AK9: variants seen among roughly 807,000 people sequenced by gnomAD.
AK9 encodes adenylate kinase domain containing 1.
A neutral mutation model predicts 239.6 loss-of-function variants in AK9; 191 were observed. The ratio of observed to expected loss-of-function variants is 0.80; its 90% confidence interval spans 0.71 to 0.90. The LOEUF (loss-of-function observed/expected upper bound fraction) is 0.90. Ranked by LOEUF, AK9 falls within the 40% of genes least tolerant of loss-of-function variation. The probability of loss-of-function intolerance (pLI) is 0.00; values close to 1 mark genes in which losing one functional copy is unlikely to be tolerated. For missense variants in AK9, 1,995 were observed against 2,214.7 expected (o/e 0.90, Z 1.99); for synonymous variants, 689 against 721.0 (o/e 0.96, Z 0.71).
At chr6:109,630,933 A>G (rs189869984) in intron 12 of AK9, among the ~76,000 whole-genome samples, 23 of 152,234 alleles carry the variant, frequency 1.5e-4, no homozygotes, top group Non-Finnish European at 1.0e-4. Context: ...CAAAGGGGAC[A>G]AACAGTTGAT....
chr6:109,623,404 T>C (rs1795105989), intron 12 of AK9, among the ~76,000 whole-genome samples: 3 of 152,078 alleles, frequency 2.0e-5, no homozygotes, highest in South Asian at 4.1e-4. Flanking sequence ...TTTCTGAGGG[T>C]AGTCAGCTGC....
At chr6:109,564,547 G>A (rs2128184382) in intron 22 of AK9, among the ~76,000 whole-genome samples, 1 of 150,816 alleles carries the variant, frequency 6.6e-6, no homozygotes, top group Admixed American at 6.7e-5. Context: ...AATAAAAAAT[G>A]TATAAAACAA....
chr6:109,603,335 C>T (rs1394958230), intron 17 of AK9, among the ~76,000 whole-genome samples: 4 of 152,180 alleles, frequency 2.6e-5, no homozygotes, highest in African/African-American at 7.2e-5. Flanking sequence ...GCTGGAGGTC[C>T]ACTCCAGACC....
chr6:109,620,367 T>C (rs546715146), intron 12 of AK9, among the ~76,000 whole-genome samples: 32 of 152,288 alleles, frequency 2.1e-4, no homozygotes, highest in African/African-American at 7.5e-4. Context: ...AGTATCTCAT[T>C]GTAGATTAAA....
chr6:109,619,397 T>C (rs11968297), intron 12 of AK9, among the ~76,000 whole-genome samples, 161 bp from the exon 13 acceptor site: 3,097 of 152,188 alleles, frequency 0.02, 96 homozygotes, highest in African/African-American at 0.072. Flanking sequence ...AATTCACCTA[T>C]TTTTGAGTAC....
chr6:109,627,891 C>T (rs1795723315), intron 12 of AK9, among the ~76,000 whole-genome samples: 1 of 152,206 alleles, frequency 6.6e-6, no homozygotes, highest in Non-Finnish European at 1.5e-5. Context: ...TTCAAGTTAA[C>T]TGCCCTCCTC....
At chr6:109,593,308 T>C (rs1386793087) in intron 17 of AK9, among the ~76,000 whole-genome samples, 1 of 152,094 alleles carries the variant, frequency 6.6e-6, no homozygotes, top group Non-Finnish European at 1.5e-5. Flanking sequence ...CTCTAAAATC[T>C]AAACCAGGAA....
chr6:109,615,331 T>C (rs1242304330), intron 13 of AK9, among the ~76,000 whole-genome samples: 1 of 151,886 alleles, frequency 6.6e-6, no homozygotes, highest in Non-Finnish European at 1.5e-5. Context: ...ATGTGTCTTG[T>C]TCTCATCTGT....
At chr6:109,600,817 G>A (rs527836203) in intron 17 of AK9, among the ~76,000 whole-genome samples, 5 of 152,260 alleles carry the variant, frequency 3.3e-5, no homozygotes, top group African/African-American at 9.6e-5. Flanking sequence ...GAGGGTGTAT[G>A]TGTCCATGAA....
In AK9 at chr6:109,632,856, GATAGAC is replaced by G. The variant is rs199859954; in HGVS notation, c.1254+61_1254+66del. The stretch of plus-strand genomic sequence containing the variant: ...TATAATCGAGTATAGATACATGACA[GATAGAC>G]ATAGATAGATAGATAGATAGATAGA... On this transcript the variant is annotated intron_variant, in intron 12 of 40. Coordinates refer to ENST00000424296, the MANE Select transcript of AK9 (RefSeq NM_001145128.3). The G allele has an allele frequency of 3.3e-3, 4,089 of 1,243,546 alleles. 103 individuals are homozygous for G. In the African/African-American group the frequency reaches 0.062, roughly 19 times the overall value. The allele number at this position is 1,243,546 out of a possible 1,614,324, so 77.0% of individuals were successfully genotyped here.
At chr6:109,685,421 C>T (rs1773361303) in intron 1 of AK9, among the ~76,000 whole-genome samples, 1 of 152,172 alleles carries the variant, frequency 6.6e-6, no homozygotes, top group South Asian at 2.1e-4. Flanking sequence ...GAATTCACAT[C>T]CTTTGCAGGG....
intron 21 of AK9, among the ~76,000 whole-genome samples, chr6:109,569,901 A>C (rs990667682): frequency 5.3e-5 from 8 of 152,132 alleles, no homozygotes; most frequent in Non-Finnish European, 1.2e-4. Context: ...AACTAGAAAT[A>C]CCATTTGACC....
At chr6:109,568,326 T>A (rs1786886465) in intron 21 of AK9, among the ~76,000 whole-genome samples, 1 of 152,152 alleles carries the variant, frequency 6.6e-6, no homozygotes, top group Non-Finnish European at 1.5e-5. Context: ...AATATCATAC[T>A]GAATGGGCAA....
Position 109,614,437 on chromosome 6 carries a change from C to A in AK9, c.1443G>T (p.Met481Ile). Residue 481 changes from methionine to isoleucine, a missense_variant, in exon 14 of 41, where the codon ATG (methionine) becomes ATT (isoleucine). By Grantham distance (10) the Met-to-Ile change is conservative (BLOSUM62 1). Transcript: ENST00000424296. ...LREFQRQYEKMEFGVFPMEAT... is the reference protein window; with the variant it reads ...LREFQRQYEKIEFGVFPMEAT... ...CCTCCATTGGGAATACTCCAAACTC[C>A]ATTTTTTCATATTGCCTTTGAAATT... 1.3e-6 allele frequency: 2 copies of A among 1,551,290 alleles called. No homozygotes were observed. Among genetic ancestry groups the A allele is most frequent in the Non-Finnish European group, 8.7e-7 (1 of 1,146,734 alleles).
At chr6:109,678,229 T>A (rs1772044415) in intron 1 of AK9, among the ~76,000 whole-genome samples, 1 of 152,170 alleles carries the variant, frequency 6.6e-6, no homozygotes, top group Non-Finnish European at 1.5e-5. Flanking sequence ...ATGATAATAA[T>A]AAAAATGAAT....
intron 1 of AK9, among the ~76,000 whole-genome samples, chr6:109,686,138 T>G (rs1222791779): frequency 6.6e-6 from 1 of 152,176 alleles, no homozygotes; most frequent in African/African-American, 2.4e-5. Context: ...ACCCAAGGAC[T>G]CTCCTGCTGT....
At chr6:109,667,197 A>T (rs532186980) in intron 5 of AK9, among the ~76,000 whole-genome samples, 17 of 152,116 alleles carry the variant, frequency 1.1e-4, no homozygotes, top group African/African-American at 3.4e-4. Flanking sequence ...ATTAAGATGA[A>T]TTTGGCAATA....
intron 13 of AK9, among the ~76,000 whole-genome samples, chr6:109,615,717 C>T (rs1267332891): frequency 1.3e-5 from 2 of 152,088 alleles, no homozygotes; most frequent in Admixed American, 1.3e-4. Context: ...ACTGTGTTCT[C>T]ATCTAGCAAA....
At chr6:109,534,100 T>C (rs1023374711) in intron 27 of AK9, among the ~76,000 whole-genome samples, 1 of 151,902 alleles carries the variant, frequency 6.6e-6, no homozygotes, top group Non-Finnish European at 1.5e-5. Context: ...CTGGTTCCTA[T>C]GGGCAAGATG....
Sources: gnomAD v4.1 joint callset for allele counts (sites outside exome capture counted in the v4.1 genomes callset) on GRCh38, gnomAD v4.1.1 for gene constraint, MANE v1.5 for transcripts, NCBI Gene and HGNC (gene_info 2026-07-23, HGNC 2026-07-21) for gene names.